Variants in SYCP1 observed in about 807,000 individuals in gnomAD.
The protein encoded by SYCP1 is cancer/testis antigen 8.
A neutral mutation model predicts 153.1 loss-of-function variants in SYCP1; 64 were observed. That is an observed-to-expected ratio of 0.42 (90% confidence interval 0.34 to 0.51). SYCP1 has a LOEUF of 0.51. Among genes scored for constraint, SYCP1 ranks in the 20% least tolerant of loss-of-function variants. The pLI, the probability that SYCP1 is intolerant of heterozygous loss-of-function variation, is 0.06. For synonymous variants in SYCP1, 384 were observed against 341.8 expected, an observed-to-expected ratio of 1.12 and a Z score of -1.36; for missense variants, 997 against 1,049.0, an observed-to-expected ratio of 0.95 and a Z score of 0.68.
chr1:114,957,386 G>T (rs537562002), intron 27 of SYCP1, among the ~76,000 whole-genome samples: 1 of 152,296 alleles, frequency 6.6e-6, no homozygotes, highest in South Asian at 2.1e-4. Flanking sequence ...TCCGGTCAAA[G>T]ATTATTTGAG....
chr1:114,858,111 T>C lies in SYCP1; in HGVS notation c.292-436T>C, dbSNP rs1176852338. The stretch of plus-strand genomic sequence containing the variant: ...AAATCTATATAAAAATCAGACTTGA[T>C]GAAAATTATATCTTGTCTTCACTTT... On this transcript the variant is annotated intron_variant, in intron 5 of 31. Transcript: ENST00000369522. Among the ~76,000 whole-genome samples the C allele has an allele frequency of 3.9e-5, 6 of 152,132 alleles. No homozygotes were observed. The South Asian group carries it at 1.2e-3, about 31-fold the overall frequency.
Position 114,995,091 on chromosome 1 carries a change from C to A in SYCP1, c.*72C>A. 1.4e-6 allele frequency: 2 copies of A among 1,408,806 alleles called. No homozygotes were observed. The highest frequency in any genetic ancestry group is 1.7e-5 in the South Asian group (1 of 58,348). The allele number at this position is 1,408,806 out of a possible 1,614,324, so 87.3% of individuals were successfully genotyped here. ...TAGTTAATATTTTGTTCTTATTTGC[C>A]AGAGCCAAATTTTATCTGGAAGTTG... is the stretch of plus-strand genomic sequence containing the variant. On this transcript the variant is annotated 3_prime_UTR_variant, in exon 32 of 32. Coordinates refer to ENST00000369522, the MANE Select transcript of SYCP1 (RefSeq NM_003176.4).
intron 23 of SYCP1, among the ~76,000 whole-genome samples, chr1:114,933,256 G>A (rs145907713): frequency 6.6e-6 from 1 of 152,296 alleles, no homozygotes; most frequent in African/African-American, 2.4e-5. Flanking sequence ...CTATTCTGCA[G>A]CCTCCGCTGG....
At chr1:114,860,306 T>C (rs927165668) in intron 7 of SYCP1, among the ~76,000 whole-genome samples, 3 of 152,188 alleles carry the variant, frequency 2.0e-5, no homozygotes, top group Admixed American at 6.5e-5. Flanking sequence ...ACATAATGAA[T>C]GCCTAATCAG....
rs1174716918 is a variant in SYCP1 at position 114,947,811 on chromosome 1, CAAAAAAAAAAA to C, written c.2322+512_2322+522del. ...TGGGAGACAGAGCGAGACTCCGTCT[CAAAAAAAAAAA>C]AAAAAAAAAAAAAAAAAAAAGAAAA... On this transcript the variant is annotated intron_variant, in intron 27 of 31. Transcript: ENST00000369522. 9.1e-4 allele frequency among the ~76,000 whole-genome samples: 40 copies of C among 43,880 alleles called. No individual in the cohort carries two copies. The East Asian group carries it at 0.014, about 16-fold the overall frequency. The allele number at this position is 43,880 out of a possible 152,430, so 28.8% of individuals were successfully genotyped here.
rs746753609 is a variant in SYCP1 at position 114,910,447 on chromosome 1, T to C, written c.1371T>C (p.Ala457=). The change falls in exon 17 of 32, where the codon GCT becomes GCC. Residue 457 remains alanine, a synonymous_variant. Coordinates refer to ENST00000369522, the MANE Select transcript of SYCP1 (RefSeq NM_003176.4). ...LYENKQFEKI[A]EELKGTEQEL... is the part of the protein sequence containing the mutation. Reference sequence around the variant, plus strand: ...AAAATAAACAATTTGAGAAGATTGCTGAAGAATTAAAAGGAACAGAACAAG... The same window carrying C: ...AAAATAAACAATTTGAGAAGATTGCCGAAGAATTAAAAGGAACAGAACAAG... 1.9e-6 allele frequency: 3 copies of C among 1,605,598 alleles called. No individual in the cohort carries two copies. The highest frequency in any genetic ancestry group is 2.2e-5 in the South Asian group (2 of 89,016).
intron 8 of SYCP1, among the ~76,000 whole-genome samples, chr1:114,866,474 G>T (rs1356774368): frequency 1.3e-5 from 2 of 152,018 alleles, no homozygotes; most frequent in Admixed American, 6.6e-5. Flanking sequence ...CCATCTGTAT[G>T]TCTCCTTTGG....
chr1:114,928,418 C>T (rs1001002208), intron 23 of SYCP1, among the ~76,000 whole-genome samples: 5 of 152,106 alleles, frequency 3.3e-5, no homozygotes, highest in Non-Finnish European at 5.9e-5. Flanking sequence ...AAACCATCAA[C>T]CCAGAATTCT....
At chr1:114,872,639 CT>C (rs1428881810) in intron 8 of SYCP1, among the ~76,000 whole-genome samples, 1 of 134,020 alleles carries the variant, frequency 7.5e-6, no homozygotes, top group Non-Finnish European at 1.7e-5. Context: ...TCTCTTTCTT[CT>C]CCTTCTGGTA....
chr1:114,935,341 AT>A (rs1352175298), intron 23 of SYCP1, among the ~76,000 whole-genome samples: 1 of 152,078 alleles, frequency 6.6e-6, no homozygotes, highest in African/African-American at 2.4e-5. Context: ...AGAAATAAAT[AT>A]GTTCTTTGAA....
At chr1:114,917,119 A>C (rs1668556361) in intron 20 of SYCP1, among the ~76,000 whole-genome samples, 1 of 152,006 alleles carries the variant, frequency 6.6e-6, no homozygotes, top group African/African-American at 2.4e-5. Flanking sequence ...GTACTCATTA[A>C]CCATCTCCAT....
intron 27 of SYCP1, among the ~76,000 whole-genome samples, chr1:114,954,670 A>G (rs1671325843): frequency 1.3e-5 from 2 of 151,872 alleles, no homozygotes; most frequent in African/African-American, 4.8e-5. Flanking sequence ...AACCTCCACC[A>G]TCTGGGTTCA....
At chr1:114,896,022 T>C (rs1667039583) in intron 16 of SYCP1, among the ~76,000 whole-genome samples, 1 of 152,170 alleles carries the variant, frequency 6.6e-6, no homozygotes. Flanking sequence ...CTCTCTTTTC[T>C]CCTTCTCTGC....
chr1:114,944,793 G>A (rs1670593278), intron 24 of SYCP1, 79 bp from the exon 25 acceptor site: 1 of 1,037,222 alleles, frequency 9.6e-7, no homozygotes, highest in Non-Finnish European at 1.4e-6. Context: ...TTTTATTTAA[G>A]TAGAACATAT....
chr1:114,920,130 C>A (rs1045107697), intron 20 of SYCP1, among the ~76,000 whole-genome samples: 4 of 151,878 alleles, frequency 2.6e-5, no homozygotes, highest in Non-Finnish European at 5.9e-5. Flanking sequence ...TACAAACACA[C>A]CTCTTAATAC....
At chr1:114,883,106 T>C (rs1399497487) in intron 12 of SYCP1, among the ~76,000 whole-genome samples, 1 of 152,234 alleles carries the variant, frequency 6.6e-6, no homozygotes, top group Non-Finnish European at 1.5e-5. Flanking sequence ...TCTTCATTTT[T>C]GGCCTGGCAA....
At chr1:114,915,806 G>C (rs1668476698) in intron 20 of SYCP1, among the ~76,000 whole-genome samples, 1 of 152,306 alleles carries the variant, frequency 6.6e-6, no homozygotes, top group Admixed American at 6.5e-5. Flanking sequence ...ATTTGGTTTT[G>C]TATAAAAGGC....
chr1:114,913,285 T>C (rs368579017), intron 19 of SYCP1, 135 bp downstream of exon 19: 1 of 666,260 alleles, frequency 1.5e-6, no homozygotes, highest in Admixed American at 3.4e-5. Flanking sequence ...CAGAAAAATA[T>C]GCATATTGGT....
At chr1:114,858,767 T>TATTA in intron 6 of SYCP1, 56 bp downstream of exon 6, 6 of 1,407,536 alleles carry the variant, frequency 4.3e-6, no homozygotes, top group Non-Finnish European at 4.9e-6. Flanking sequence ...CATAATACTG[T>TATTA]TGAAAGTAGA....
Sources: allele counts gnomAD v4.1 joint callset (sites outside exome capture counted in the v4.1 genomes callset), GRCh38; gene constraint gnomAD v4.1.1; transcripts MANE v1.5; gene names NCBI Gene and HGNC (gene_info 2026-07-23, HGNC 2026-07-21).